Variants in SLC35F4 observed in about 807,000 individuals in gnomAD.
SLC35F4 encodes the protein chromosome 14 open reading frame 36.
SLC35F4 carries 24 observed loss-of-function variants against 44.2 expected under a neutral mutation model. The ratio of observed to expected loss-of-function variants is 0.54; its 90% CI spans 0.39 to 0.76. SLC35F4 has a LOEUF of 0.76. Among genes scored for constraint, SLC35F4 ranks in the 30% least tolerant of loss-of-function variants. The pLI is 0.00. For synonymous variants in SLC35F4, 238 were observed against 223.6 expected, an observed-to-expected ratio of 1.06 and a Z score of -0.57; for missense variants, 562 against 586.1, an observed-to-expected ratio of 0.96 and a Z score of 0.42.
chr14:57,932,964 G>A (rs1329164589), intron 1 of SLC35F4, among the ~76,000 whole-genome samples: 1 of 151,750 alleles, frequency 6.6e-6, no homozygotes. Flanking sequence ...CACTACCATG[G>A]GAAAATATCA....
downstream of SLC35F4, among the ~76,000 whole-genome samples, chr14:57,975,265 T>A (rs925957762): frequency 9.9e-5 from 15 of 152,178 alleles, no homozygotes; most frequent in Non-Finnish European, 1.8e-4. Context: ...GGCAAAGCCA[T>A]CAATTGATGG....
chr14:57,913,370 C>T lies in SLC35F4; in HGVS notation n.282+68543G>A, dbSNP rs1889253697. Among the ~76,000 whole-genome samples the T allele has an allele frequency of 2.0e-5, 3 of 151,876 alleles. No homozygotes were observed. In the South Asian group the frequency reaches 6.2e-4, roughly 32 times the overall value. ...ACTTTTATCTTCTATACTTTTTCTG[C>T]CTTTTGTGGTTTCAATTAAGCATTT... On this transcript the variant is annotated intron_variant and non_coding_transcript_variant, in intron 1 of 1. Transcript: ENST00000556568.
At chr14:57,811,872 C>T (rs921295085) in intron 1 of SLC35F4, among the ~76,000 whole-genome samples, 5 of 152,140 alleles carry the variant, frequency 3.3e-5, no homozygotes, top group Admixed American at 2.6e-4. Context: ...ATCCCAGCTA[C>T]TTGGGAGGCT....
intron 1 of SLC35F4, among the ~76,000 whole-genome samples, chr14:57,824,339 A>G (rs1460350144): frequency 6.6e-6 from 1 of 152,234 alleles, no homozygotes; most frequent in African/African-American, 2.4e-5. Context: ...GCAACACAGC[A>G]GTGACAACAG....
At chr14:57,834,980 G>A (rs560760842) in intron 1 of SLC35F4, among the ~76,000 whole-genome samples, 2 of 152,310 alleles carry the variant, frequency 1.3e-5, no homozygotes, top group East Asian at 3.9e-4. Flanking sequence ...AGTGGGCCGA[G>A]ATCGCACCAC....
At chr14:57,707,442 C>T (rs920883936) in intron 1 of SLC35F4, among the ~76,000 whole-genome samples, 16 of 152,176 alleles carry the variant, frequency 1.1e-4, no homozygotes, top group Non-Finnish European at 1.8e-4. Flanking sequence ...CCTGCTTGCA[C>T]TTCTCCCTGC....
At chr14:57,947,118 G>A (rs1054365499) in intron 1 of SLC35F4, among the ~76,000 whole-genome samples, 2 of 152,056 alleles carry the variant, frequency 1.3e-5, no homozygotes, top group African/African-American at 4.8e-5. Context: ...GTAAGCATGG[G>A]ATATGTTTCC....
At chr14:57,607,652 A>T (rs2071241887) in intron 1 of SLC35F4, among the ~76,000 whole-genome samples, 1 of 152,192 alleles carries the variant, frequency 6.6e-6, no homozygotes, top group South Asian at 2.1e-4. Context: ...CTGCCATTTG[A>T]AAGGATTTAA....
intron 1 of SLC35F4, among the ~76,000 whole-genome samples, chr14:57,723,792 C>G (rs1346099583): frequency 6.6e-6 from 1 of 152,070 alleles, no homozygotes; most frequent in Non-Finnish European, 1.5e-5. Context: ...TTTTTGCTTC[C>G]ACAAGATATC....
At chr14:57,797,466 T>C (rs1170492079) in intron 1 of SLC35F4, among the ~76,000 whole-genome samples, 1 of 152,194 alleles carries the variant, frequency 6.6e-6, no homozygotes. Context: ...AAATATATTG[T>C]CACTGACTAG....
intron 1 of SLC35F4, among the ~76,000 whole-genome samples, chr14:57,904,363 T>C (rs1014444277): frequency 2.6e-5 from 4 of 152,228 alleles, no homozygotes; most frequent in Admixed American, 1.3e-4. Context: ...AGTTTTGTTA[T>C]CCATAAAGGA....
At chr14:57,742,862 T>C (rs2076650607) in intron 1 of SLC35F4, among the ~76,000 whole-genome samples, 1 of 152,160 alleles carries the variant, frequency 6.6e-6, no homozygotes, top group Non-Finnish European at 1.5e-5. Flanking sequence ...AGAGAAATTA[T>C]AACAAACTGT....
At chr14:57,671,261 G>T (rs1011932514) in intron 1 of SLC35F4, among the ~76,000 whole-genome samples, 2 of 151,936 alleles carry the variant, frequency 1.3e-5, no homozygotes, top group African/African-American at 4.8e-5. Context: ...TGGGGAGCTG[G>T]GGCAGCTAAG....
At chr14:57,914,197 T>C (rs1217399018) in intron 1 of SLC35F4, among the ~76,000 whole-genome samples, 1 of 151,988 alleles carries the variant, frequency 6.6e-6, no homozygotes, top group East Asian at 1.9e-4. Flanking sequence ...GGTCATCCCG[T>C]GGTGAAAGGT....
intron 1 of SLC35F4, among the ~76,000 whole-genome samples, chr14:57,812,875 G>T (rs1882129081): frequency 6.6e-6 from 1 of 152,172 alleles, no homozygotes; most frequent in African/African-American, 2.4e-5. Flanking sequence ...AGCATTAGAT[G>T]TCCTGAGACC....
intron 1 of SLC35F4, among the ~76,000 whole-genome samples, chr14:57,727,024 T>A (rs1049382328): frequency 6.6e-6 from 1 of 152,088 alleles, no homozygotes; most frequent in South Asian, 2.1e-4. Context: ...GTTCTTCAGT[T>A]TGGGGACTTG....
At chr14:57,922,007 G>T (rs577664504) in intron 1 of SLC35F4, among the ~76,000 whole-genome samples, 1 of 152,264 alleles carries the variant, frequency 6.6e-6, no homozygotes, top group Non-Finnish European at 1.5e-5. Flanking sequence ...GACAGTTCTT[G>T]CTAGCTTGAT....
chr14:57,857,917 T>C (rs1203853863), intron 1 of SLC35F4, among the ~76,000 whole-genome samples: 2 of 151,988 alleles, frequency 1.3e-5, no homozygotes, highest in Admixed American at 6.5e-5. Context: ...AATAATGTCA[T>C]TAAAACAATG....
intron 4 of SLC35F4, among the ~76,000 whole-genome samples, chr14:57,576,872 G>C: frequency 6.6e-6 from 1 of 152,170 alleles, no homozygotes; most frequent in East Asian, 1.9e-4. Context: ...TATGTGGAGG[G>C]TAGACACATT....
Sources: gnomAD v4.1 joint callset for allele counts (sites outside exome capture counted in the v4.1 genomes callset) on GRCh38, gnomAD v4.1.1 for gene constraint, MANE v1.5 for transcripts, NCBI Gene and HGNC (gene_info 2026-07-23, HGNC 2026-07-21) for gene names.